The following WDPCP variants were observed in gnomAD, a reference collection of about 807,000 sequenced individuals.
WDPCP encodes the protein WD repeat-containing and planar cell polarity effector protein fritz homolog.
A neutral mutation model predicts 93.1 loss-of-function variants in WDPCP; 71 were observed. The observed-to-expected ratio is 0.76, with a 90% CI of 0.63 to 0.93. The LOEUF (loss-of-function observed/expected upper bound fraction) is 0.93. WDPCP is among the 40% of genes least tolerant of loss of function. The pLI is 0.00. For synonymous variants in WDPCP, 315 were observed against 315.0 expected, an observed-to-expected ratio of 1.00 and a Z score of 0.00; for missense variants, 844 against 887.4, an observed-to-expected ratio of 0.95 and a Z score of 0.62.
At chr2:63,792,309 G>A (rs1670556893) in intron 2 of WDPCP, among the ~76,000 whole-genome samples, 1 of 152,190 alleles carries the variant, frequency 6.6e-6, no homozygotes, top group African/African-American at 2.4e-5. Flanking sequence ...GAGAGGGCAT[G>A]TGAAGGAGGA....
chr2:63,725,978 C>A (rs185563843), intron 2 of WDPCP, among the ~76,000 whole-genome samples: 1 of 152,166 alleles, frequency 6.6e-6, no homozygotes, highest in Non-Finnish European at 1.5e-5. Context: ...ATATTTTCTC[C>A]CATTCTGTAA....
At chr2:63,123,775 A>G (rs940221792) in intron 17 of WDPCP, among the ~76,000 whole-genome samples, 4 of 151,922 alleles carry the variant, frequency 2.6e-5, no homozygotes, top group African/African-American at 9.7e-5. Context: ...CCATAGTCCT[A>G]CTAGTTATAC....
intron 13 of WDPCP, among the ~76,000 whole-genome samples, chr2:63,297,921 T>C (rs950757061): frequency 6.6e-6 from 1 of 152,122 alleles, no homozygotes; most frequent in Admixed American, 6.5e-5. Flanking sequence ...AATAGCATGA[T>C]TGGTATCATT....
At chr2:63,313,882 A>AT (rs1400155246) in intron 12 of WDPCP, among the ~76,000 whole-genome samples, 5 of 30,840 alleles carry the variant, frequency 1.6e-4, no homozygotes, top group Non-Finnish European at 2.4e-4. Flanking sequence ...ATATATATAT[A>AT]TATATTTTTT....
At chr2:63,340,045 G>T (rs1451696046) in intron 12 of WDPCP, among the ~76,000 whole-genome samples, 1 of 152,124 alleles carries the variant, frequency 6.6e-6, no homozygotes, top group Non-Finnish European at 1.5e-5. Flanking sequence ...GAAGCTCATG[G>T]TTCTCTTTGT....
At chr2:63,237,951 C>G (rs1225903646) in intron 14 of WDPCP, among the ~76,000 whole-genome samples, 1 of 151,322 alleles carries the variant, frequency 6.6e-6, no homozygotes, top group Non-Finnish European at 1.5e-5. Flanking sequence ...TGTAACAAAC[C>G]TGTACATGCA....
intron 2 of WDPCP, among the ~76,000 whole-genome samples, chr2:63,491,764 A>G (rs1430305132): frequency 6.6e-6 from 1 of 152,216 alleles, no homozygotes; most frequent in Non-Finnish European, 1.5e-5. Context: ...CTCTGATGAC[A>G]CATACCATCT....
intron 17 of WDPCP, among the ~76,000 whole-genome samples, chr2:63,147,475 G>A (rs929599006): frequency 6.6e-6 from 1 of 152,180 alleles, no homozygotes; most frequent in Admixed American, 6.6e-5. Flanking sequence ...CACATATGGA[G>A]GAGCAAGTTT....
At chr2:63,255,662 C>T (rs1185573511) in intron 14 of WDPCP, among the ~76,000 whole-genome samples, 1 of 152,164 alleles carries the variant, frequency 6.6e-6, no homozygotes, top group Non-Finnish European at 1.5e-5. Flanking sequence ...CAGCACCATA[C>T]TTCTCATATA....
At chr2:63,344,621 T>A (rs2104488988) in intron 12 of WDPCP, among the ~76,000 whole-genome samples, 2 of 152,348 alleles carry the variant, frequency 1.3e-5, no homozygotes, top group East Asian at 3.9e-4. Flanking sequence ...GTCTGTCTGC[T>A]GCTTTCCCCA....
chr2:63,175,798 T>C (rs1673759780), intron 14 of WDPCP, among the ~76,000 whole-genome samples: 1 of 152,232 alleles, frequency 6.6e-6, no homozygotes, highest in Non-Finnish European at 1.5e-5. Context: ...TAAGCTGTTG[T>C]ATGTATATAC....
chr2:63,216,384 A>AG (rs1421870563), intron 14 of WDPCP, among the ~76,000 whole-genome samples: 1 of 152,246 alleles, frequency 6.6e-6, no homozygotes, highest in Admixed American at 6.5e-5. Flanking sequence ...GCCATAAAAA[A>AG]GGATGAGTTC....
intron 9 of WDPCP, among the ~76,000 whole-genome samples, chr2:63,409,650 C>T (rs917616604): frequency 2.9e-4 from 44 of 151,748 alleles, no homozygotes; most frequent in Admixed American, 2.6e-3. Flanking sequence ...ATTCGAAAAA[C>T]GATAGAAGTG....
chr2:63,578,306 TCA>T (rs1708252450), intron 1 of WDPCP, among the ~76,000 whole-genome samples: 1 of 152,260 alleles, frequency 6.6e-6, no homozygotes, highest in South Asian at 2.1e-4. Context: ...CGAAAATAAC[TCA>T]AAAAGTAAAC....
chr2:63,221,890 A>G (rs934974425), intron 14 of WDPCP, among the ~76,000 whole-genome samples: 4 of 152,214 alleles, frequency 2.6e-5, no homozygotes, highest in African/African-American at 7.2e-5. Context: ...TAGGGCAATG[A>G]CATTAGAAAA....
At chr2:63,546,255 A>G (rs576284429) in intron 1 of WDPCP, among the ~76,000 whole-genome samples, 2 of 152,346 alleles carry the variant, frequency 1.3e-5, no homozygotes, top group South Asian at 2.1e-4. Context: ...TATTTTATGC[A>G]TGACGTATGT....
chr2:63,394,011 G>C (rs1693503094), intron 10 of WDPCP, among the ~76,000 whole-genome samples: 1 of 152,142 alleles, frequency 6.6e-6, no homozygotes, highest in Admixed American at 6.6e-5. Flanking sequence ...ACAGGCCCTG[G>C]CAAAGATTTC....
At chr2:63,468,766 T>A (rs1699514784) in intron 6 of WDPCP, among the ~76,000 whole-genome samples, 1 of 152,166 alleles carries the variant, frequency 6.6e-6, no homozygotes. Flanking sequence ...TGCCAACAGC[T>A]CCAGCAATTA....
In WDPCP at chr2:63,813,433, A is replaced by C. The variant is rs1042978705; in HGVS notation, n.308+189T>G. 3.3e-5 allele frequency among the ~76,000 whole-genome samples: 5 copies of C among 152,184 alleles called. No homozygotes were observed. The South Asian group carries it at 8.3e-4, about 25-fold the overall frequency. ...TGCTAGTTCTGATCTGGAAAAACTC[A>C]TATTTCTCTGGTCACAACCTGACAG... On this transcript the variant is annotated intron_variant and non_coding_transcript_variant, in intron 2 of 4. Transcript: ENST00000467687.
Sources: gnomAD v4.1 joint callset for allele counts (sites outside exome capture counted in the v4.1 genomes callset) on GRCh38, gnomAD v4.1.1 for gene constraint, MANE v1.5 for transcripts, NCBI Gene and HGNC (gene_info 2026-07-23, HGNC 2026-07-21) for gene names.